Variants in ANO10 observed in about 807,000 individuals in gnomAD.
The protein encoded by ANO10 is anoctamin 10.
ANO10 carries 77 observed loss-of-function variants against 74.7 expected under a neutral mutation model. The observed-to-expected ratio is 1.03, with a 90% CI of 0.86 to 1.25. The LOEUF (loss-of-function observed/expected upper bound fraction) is 1.25. Among genes scored for constraint, ANO10 ranks in the 50% most tolerant of loss-of-function variants. ANO10 has a pLI of 0.00. For missense variants in ANO10, 721 were observed against 778.1 expected, an observed-to-expected ratio of 0.93 and a Z score of 0.87; for synonymous variants, 279 against 284.9, an observed-to-expected ratio of 0.98 and a Z score of 0.21.
At chr3:43,634,391 C>T (rs1183448417) in intron 1 of ANO10, among the ~76,000 whole-genome samples, 2 of 152,006 alleles carry the variant, frequency 1.3e-5, no homozygotes, top group Non-Finnish European at 2.9e-5. Context: ...AGGTGTCTTT[C>T]CCCGTCTCCC....
chr3:43,370,137 T>TG (rs2091555427), intron 12 of ANO10, among the ~76,000 whole-genome samples: 1 of 152,186 alleles, frequency 6.6e-6, no homozygotes. Flanking sequence ...ACCACAGCCC[T>TG]GGCCCAAGAG....
intron 11 of ANO10, among the ~76,000 whole-genome samples, chr3:43,491,245 G>A (rs1211810291): frequency 1.3e-5 from 2 of 152,170 alleles, no homozygotes; most frequent in African/African-American, 4.8e-5. Context: ...AGACACAGTG[G>A]CCTCATGCCT....
chr3:43,372,783 G>A (rs1014376467), intron 12 of ANO10: 3 of 1,489,988 alleles, frequency 2.0e-6, no homozygotes, highest in Admixed American at 3.9e-5. Context: ...ACCTATGACA[G>A]TGCCTGGCAC....
At chr3:43,369,235 G>A (rs1007972449) in intron 12 of ANO10, among the ~76,000 whole-genome samples, 3 of 152,270 alleles carry the variant, frequency 2.0e-5, no homozygotes, top group African/African-American at 4.8e-5. Context: ...CTTCACCCAA[G>A]TTCAGGGAAG....
intron 11 of ANO10, among the ~76,000 whole-genome samples, chr3:43,471,396 T>G (rs998519229): frequency 6.6e-6 from 1 of 152,184 alleles, no homozygotes; most frequent in African/African-American, 2.4e-5. Context: ...CAAGTCTAGA[T>G]TTTCTATTCT....
At chr3:43,685,716 T>C (rs1217475272) in intron 1 of ANO10, among the ~76,000 whole-genome samples, 1 of 152,264 alleles carries the variant, frequency 6.6e-6, no homozygotes. Flanking sequence ...TTTTTATTGA[T>C]GAGCGAATTG....
At chr3:43,564,408 TA>T (rs112467503) in intron 8 of ANO10, among the ~76,000 whole-genome samples, 70 of 148,962 alleles carry the variant, frequency 4.7e-4, no homozygotes, top group South Asian at 1.7e-3. Context: ...TATGTATTAT[TA>T]AAAAAAAAAT....
At chr3:43,580,529 C>T (rs2081221246) in intron 4 of ANO10, 57 bp from the exon 5 acceptor site, 9 of 1,602,658 alleles carry the variant, frequency 5.6e-6, no homozygotes, top group East Asian at 2.2e-5. Context: ...GTGCATGATA[C>T]GCTTCAGCAA....
intron 1 of ANO10, among the ~76,000 whole-genome samples, chr3:43,639,722 G>A (rs773982281): frequency 6.6e-6 from 1 of 151,508 alleles, no homozygotes; most frequent in African/African-American, 2.4e-5. Flanking sequence ...GTTGCAGTGA[G>A]CTGAGATCGC....
chr3:43,621,528 T>C (rs1244953531), intron 1 of ANO10, among the ~76,000 whole-genome samples: 1 of 151,840 alleles, frequency 6.6e-6, no homozygotes, highest in Non-Finnish European at 1.5e-5. Flanking sequence ...ACCACCCCAC[T>C]CACTGCCTCC....
intron 1 of ANO10, among the ~76,000 whole-genome samples, chr3:43,680,710 C>T (rs139631359): frequency 0.084 from 12,742 of 152,268 alleles, 743 homozygotes; most frequent in South Asian, 0.21. Flanking sequence ...CAAAGGGAAG[C>T]CCATCAGATT....
At chr3:43,623,273 T>C (rs1351091350), upstream of ANO10, among the ~76,000 whole-genome samples, 8 of 152,224 alleles carry the variant, frequency 5.3e-5, no homozygotes, top group Admixed American at 1.3e-4. Flanking sequence ...TCACCTTTTA[T>C]TACAGTCTAT....
chr3:43,543,682 C>T (rs577249866), intron 11 of ANO10, among the ~76,000 whole-genome samples: 10 of 152,298 alleles, frequency 6.6e-5, no homozygotes, highest in South Asian at 4.1e-4. Flanking sequence ...CTACTGCGCC[C>T]GGCCTCAATT....
intron 11 of ANO10, among the ~76,000 whole-genome samples, chr3:43,439,742 A>G (rs1277567671): frequency 1.3e-4 from 20 of 152,008 alleles, no homozygotes. Context: ...TTAGCCAGGC[A>G]TGGTGGCCCA....
intron 1 of ANO10, among the ~76,000 whole-genome samples, chr3:43,680,967 C>CA (rs1160214913): frequency 1.3e-5 from 2 of 152,172 alleles, no homozygotes; most frequent in Non-Finnish European, 2.9e-5. Flanking sequence ...CCAGCCGCTG[C>CA]AAAAACATGC....
At chr3:43,591,365 C>T (rs1479720985) in intron 4 of ANO10, among the ~76,000 whole-genome samples, 1 of 152,144 alleles carries the variant, frequency 6.6e-6, no homozygotes, top group East Asian at 1.9e-4. Context: ...CCTAATGGAG[C>T]TGAACACTAG....
intron 1 of ANO10, chr3:43,691,446 C>G (rs1308235378): frequency 3.1e-5 from 5 of 160,108 alleles, no homozygotes; most frequent in African/African-American, 1.2e-4. Flanking sequence ...CGACCCTGCA[C>G]CTGACTGCGA....
intron 11 of ANO10, among the ~76,000 whole-genome samples, chr3:43,481,179 T>C (rs2149085955): frequency 6.6e-6 from 1 of 152,218 alleles, no homozygotes; most frequent in South Asian, 2.1e-4. Flanking sequence ...ATTTGAGTCA[T>C]ATACTCTAGG....
At chr3:43,605,329 C>T (rs1482791062) in intron 2 of ANO10, among the ~76,000 whole-genome samples, 23 of 152,140 alleles carry the variant, frequency 1.5e-4, no homozygotes, top group Non-Finnish European at 2.9e-5. Context: ...CAGGAAGAGA[C>T]CATATTTATC....
Sources: allele counts gnomAD v4.1 joint callset (sites outside exome capture counted in the v4.1 genomes callset), GRCh38; gene constraint gnomAD v4.1.1; transcripts MANE v1.5; gene names NCBI Gene and HGNC (gene_info 2026-07-23, HGNC 2026-07-21).